The following ZPR1 variants were observed in gnomAD, a reference collection of about 807,000 sequenced individuals.
The protein encoded by ZPR1 is ZPR1 zinc finger, also known as zinc finger protein ZPR1.
ZPR1 carries 37 observed loss-of-function variants against 59.6 expected under a neutral mutation model. That is an observed-to-expected ratio of 0.62 (90% CI 0.48 to 0.82). ZPR1 has a LOEUF of 0.82. Among genes scored for constraint, ZPR1 ranks in the 40% least tolerant of loss-of-function variants. ZPR1 has a pLI of 0.00. For missense variants in ZPR1, 527 were observed against 579.9 expected, an observed-to-expected ratio of 0.91 and a Z score of 0.94; for synonymous variants, 191 against 215.2, an observed-to-expected ratio of 0.89 and a Z score of 0.99.
chr11:116,787,696 C>T, intron 1 of ZPR1, 53 bp from the exon 2 acceptor site: 1 of 1,578,044 alleles, frequency 6.3e-7, no homozygotes, highest in Non-Finnish European at 8.6e-7. Context: ...TCCCTTTCCC[C>T]GCCCTACTAT....
intron 12 of ZPR1, among the ~76,000 whole-genome samples, chr11:116,780,147 T>A (rs1166185940): frequency 6.6e-6 from 1 of 151,382 alleles, no homozygotes; most frequent in Non-Finnish European, 1.5e-5. Flanking sequence ...CCAATTTATA[T>A]TACAGAATCC....
In ZPR1 at chr11:116,779,033, A is replaced by G. The variant is rs372923956; in HGVS notation, c.1272T>C (p.Pro424=). Residue 424 remains proline, a synonymous_variant, in exon 14 of 14, where the codon CCT becomes CCC. Coordinates refer to ENST00000227322, the MANE Select transcript of ZPR1 (RefSeq NM_003904.5). The stretch of plus-strand genomic sequence containing the variant: ...GCTTGTAACGCTCCACCTTCATCTC[A>G]GGATCATCTTCAGGCGCATACACAT... ...LQNVYAPEDD[P]EMKVERYKRT... is the part of the protein sequence containing the mutation. 8 of 1,614,072 alleles carry G rather than the reference A, an allele frequency of 5.0e-6. No individual in the cohort carries two copies. Among genetic ancestry groups the G allele is most frequent in the Non-Finnish European group, 6.8e-6 (8 of 1,180,036 alleles).
rs938170917 is a variant in ZPR1, at chr11:116,775,719, G to A, written c.*3206C>T. The A allele has an allele frequency of 6.1e-6, 1 of 163,498 alleles. No individual in the cohort carries two copies. The highest frequency in any genetic ancestry group is 2.5e-5 in the African/African-American group (1 of 40,494). 10.1% of individuals were successfully genotyped at this position (163,498 alleles called of 1,614,324 possible). A position where few individuals can be genotyped will look rare whatever the true frequency, so the allele number is the denominator to read the frequency against. ...AGGCTGTTTTGTCACCTGTAAAATG[G>A]GGATAATTTTGTTTATCCTAATTAT... is the stretch of plus-strand genomic sequence containing the variant. On this transcript the variant is annotated 3_prime_UTR_variant, in exon 14 of 14. Transcript: ENST00000227322.
intron 4 of ZPR1, 43 bp from the exon 5 acceptor site, chr11:116,785,925 C>T (rs766677351): frequency 1.3e-6 from 2 of 1,554,854 alleles, no homozygotes; most frequent in East Asian, 2.2e-5. Flanking sequence ...GGTGGTGTAC[C>T]TTATGCCCTG....
At chr11:116,787,136 T>C (rs1251460502) in intron 2 of ZPR1, 77 bp from the exon 3 acceptor site, 2 of 1,319,506 alleles carry the variant, frequency 1.5e-6, no homozygotes, top group African/African-American at 2.9e-5. Context: ...GACCGTCCCC[T>C]TCCATCAGAC....
chr11:116,787,721 C>G, intron 1 of ZPR1, 78 bp from the exon 2 acceptor site: 2 of 1,538,118 alleles, frequency 1.3e-6, no homozygotes, highest in South Asian at 1.2e-5. Flanking sequence ...GGGCGCTCCT[C>G]GGGGTCCCCG....
At position 116,785,714 on chromosome 11, in the gene ZPR1, A is replaced by G. The variant is rs1324387489; in HGVS notation, c.583-78T>C. The G allele has an allele frequency of 4.7e-5, 76 of 1,612,378 alleles. No homozygotes were observed. The Admixed American group carries it at 1.2e-3, about 27-fold the overall frequency. Reference sequence around the variant, plus strand: ...TACATCACCTACTATCAGACCACGCAGGCATCACAGTGGAAAATCCCAGCA... The same window carrying G: ...TACATCACCTACTATCAGACCACGCGGGCATCACAGTGGAAAATCCCAGCA... On this transcript the variant is annotated intron_variant, in intron 5 of 13. Transcript: ENST00000227322.
In ZPR1 at chr11:116,776,350, C is replaced by T. The variant is rs778508602; in HGVS notation, c.*2575G>A. 1.1e-4 allele frequency: 17 copies of T among 152,198 alleles called. No homozygotes were observed. Among genetic ancestry groups the T allele is most frequent in the Non-Finnish European group, 2.5e-4 (17 of 68,038 alleles). The allele number at this position is 152,198 out of a possible 1,614,324, so 9.4% of individuals were successfully genotyped here. On this transcript the variant is annotated 3_prime_UTR_variant, in exon 14 of 14. Coordinates refer to ENST00000227322, the MANE Select transcript of ZPR1 (RefSeq NM_003904.5). ...CCTGGCCTTAAAGCGAGACCCTTTC[C>T]CTATCTTTTTACCTATAGATGTTAT...
rs1043740 is a variant in ZPR1 at position 116,778,795 on chromosome 11, G to A, written c.*130C>T. The stretch of plus-strand genomic sequence containing the variant: ...AAAGTGTGCACAGATCTCTGACTCA[G>A]ACCAGATGTCCTCCCCACCATGGGC... On this transcript the variant is annotated 3_prime_UTR_variant, in exon 14 of 14. Coordinates refer to ENST00000227322, the MANE Select transcript of ZPR1 (RefSeq NM_003904.5). 8.5e-7 allele frequency: 1 copy of A among 1,178,388 alleles called. No homozygotes were observed. The highest frequency in any genetic ancestry group is 1.2e-6 in the Non-Finnish European group (1 of 853,148). The allele number at this position is 1,178,388 out of a possible 1,614,324, so 73.0% of individuals were successfully genotyped here. A position where few individuals can be genotyped will look rare whatever the true frequency, so the allele number is the denominator to read the frequency against.
chr11:116,778,417 T>C lies in ZPR1; in HGVS notation c.*508A>G, dbSNP rs1158788903. The C allele has an allele frequency of 6.5e-6, 1 of 152,680 alleles. No homozygotes were observed. Among genetic ancestry groups the C allele is most frequent in the East Asian group, 1.9e-4 (1 of 5,202 alleles). The allele number at this position is 152,680 out of a possible 1,614,324, so 9.5% of individuals were successfully genotyped here. On this transcript the variant is annotated 3_prime_UTR_variant, in exon 14 of 14. Transcript: ENST00000227322. Reference sequence around the variant, plus strand: ...CTAACAGCATGATATCAAACAAGGATAGGGTCAATACAGAGGCCAGTGCTG... The same window carrying C: ...CTAACAGCATGATATCAAACAAGGACAGGGTCAATACAGAGGCCAGTGCTG...
rs1464071516 is a variant in ZPR1, at chr11:116,775,511, C to T, written c.*3414G>A. 1 of 156,528 alleles carries T rather than the reference C, an allele frequency of 6.4e-6. No homozygotes were observed. Among genetic ancestry groups the T allele is most frequent in the Admixed American group, 6.6e-5 (1 of 15,142 alleles). The allele number at this position is 156,528 out of a possible 1,614,324, so 9.7% of individuals were successfully genotyped here. On this transcript the variant is annotated 3_prime_UTR_variant, in exon 14 of 14. Transcript: ENST00000227322. Reference sequence around the variant, plus strand: ...GGCATGGTGGCGTGCACCTGTAGTCCCAGCTACTCAGAAGGCTGAGGCAAG... The same window carrying T: ...GGCATGGTGGCGTGCACCTGTAGTCTCAGCTACTCAGAAGGCTGAGGCAAG...
chr11:116,787,697 G>T, intron 1 of ZPR1, 54 bp from the exon 2 acceptor site: 1 of 1,576,242 alleles, frequency 6.3e-7, no homozygotes, highest in Non-Finnish European at 8.6e-7. Flanking sequence ...CCCTTTCCCC[G>T]CCCTACTATC....
intron 11 of ZPR1, 128 bp downstream of exon 11, chr11:116,782,790 TA>T: frequency 1.5e-6 from 1 of 680,214 alleles, no homozygotes. Context: ...TTAAGTCTCT[TA>T]AACCAGCTTT....
Position 116,782,930 on chromosome 11 carries a change from T to C in ZPR1, c.1081A>G (p.Ile361Val). ...FTTLEGLLKDIRELVTKNPFT... is the reference protein window; with the variant it reads ...FTTLEGLLKDVRELVTKNPFT... ...CTCAAGTGACTCACCAGTTCCCGGA[T>C]GTCTTTCAGCAGCCCTTCCAGTGTG... The change falls in exon 11 of 14, where the codon ATC becomes GTC. Residue 361 changes from isoleucine (I) to valine (V), a missense_variant. Ile to Val is a conservative substitution (Grantham distance 29). Transcript: ENST00000227322. 1 of 1,614,140 alleles carries C rather than the reference T, an allele frequency of 6.2e-7. No homozygotes were observed. Among genetic ancestry groups the C allele is most frequent in the Non-Finnish European group, 8.5e-7 (1 of 1,179,952 alleles).
chr11:116,786,406 A>G, intron 4 of ZPR1, 105 bp downstream of exon 4: 7 of 1,277,008 alleles, frequency 5.5e-6, no homozygotes, highest in Non-Finnish European at 7.9e-6. Context: ...CCATATGCTT[A>G]CCCAGCAAGT....
rs917074831 is a variant in ZPR1, at chr11:116,780,650, T to C, written c.1180-813A>G. Among the ~76,000 whole-genome samples, 4 of 152,182 alleles carry C rather than the reference T, an allele frequency of 2.6e-5. No homozygotes were observed. The East Asian group carries it at 7.7e-4, about 29-fold the overall frequency. On this transcript the variant is annotated intron_variant, in intron 12 of 13. Coordinates refer to ENST00000227322, the MANE Select transcript of ZPR1 (RefSeq NM_003904.5). ...GTTCTTGTCTGGCAGGCATAGCCTC[T>C]TTGTCTGACTAGCCCAAGAGGAAAG... is the stretch of plus-strand genomic sequence containing the variant.
At chr11:116,782,269 A>T (rs753398012) in intron 11 of ZPR1, 25 bp from the exon 12 acceptor site, 1 of 1,590,522 alleles carries the variant, frequency 6.3e-7, no homozygotes, top group East Asian at 2.2e-5. Flanking sequence ...AATCCAAACT[A>T]TGTGAATACT....
intron 12 of ZPR1, among the ~76,000 whole-genome samples, chr11:116,781,937 G>A (rs1290930981): frequency 2.6e-5 from 4 of 151,860 alleles, no homozygotes; most frequent in South Asian, 2.1e-4. Flanking sequence ...GCATGAACCC[G>A]GGAGGCAGAG....
chr11:116,787,351 T>A, intron 2 of ZPR1, 131 bp downstream of exon 2: 1 of 996,694 alleles, frequency 1.0e-6, no homozygotes, highest in Non-Finnish European at 1.5e-6. Context: ...CCAGTACCAT[T>A]TTACAAAAGA....
Sources: allele counts gnomAD v4.1 joint callset (sites outside exome capture counted in the v4.1 genomes callset), GRCh38; gene constraint gnomAD v4.1.1; transcripts MANE v1.5; gene names NCBI Gene and HGNC (gene_info 2026-07-23, HGNC 2026-07-21).